The following TMEM217 variants were observed in gnomAD, a reference collection of about 807,000 sequenced individuals.
TMEM217 encodes the protein chromosome 6 open reading frame 128.
For synonymous variants in TMEM217, 76 were observed against 88.3 expected, an observed-to-expected ratio of 0.86 and a Z score of 0.78; for missense variants, 204 against 248.8, an observed-to-expected ratio of 0.82 and a Z score of 1.21.
At chr6:37,222,962 T>C (rs1254508149) in intron 1 of TMEM217, among the ~76,000 whole-genome samples, 1 of 152,090 alleles carries the variant, frequency 6.6e-6, no homozygotes. Flanking sequence ...TTTCTAGAGA[T>C]GAAAAACTCA....
intron 1 of TMEM217, among the ~76,000 whole-genome samples, chr6:37,252,609 ATGTG>A (rs375935772): frequency 0.038 from 1,366 of 36,072 alleles, 23 homozygotes; most frequent in African/African-American, 0.13. Context: ...GTGTGTGTGT[ATGTG>A]TGTGTATATA....
At chr6:37,243,931 G>A (rs1764929917) in intron 1 of TMEM217, among the ~76,000 whole-genome samples, 1 of 152,164 alleles carries the variant, frequency 6.6e-6, no homozygotes, top group Non-Finnish European at 1.5e-5. Context: ...CCCACATGGA[G>A]TCAGCCAGTC....
downstream of TMEM217, among the ~76,000 whole-genome samples, chr6:37,216,034 A>T (rs78359793): frequency 0.12 from 16,426 of 139,320 alleles, 1,048 homozygotes; most frequent in Non-Finnish European, 0.16. Context: ...TGTGTGTGTG[A>T]GAAACAGATA....
chr6:37,253,373 A>C (rs1361187145), intron 1 of TMEM217, among the ~76,000 whole-genome samples: 5 of 152,192 alleles, frequency 3.3e-5, no homozygotes, highest in Admixed American at 6.5e-5. Flanking sequence ...TCTTAGAATA[A>C]ATTCTTAGGA....
rs1387620367 is a variant in TMEM217, at chr6:37,257,802, A to T, written c.-246T>A. 3.5e-6 allele frequency: 4 copies of T among 1,141,484 alleles called. No individual in the cohort carries two copies. The African/African-American group carries it at 6.2e-5, about 18-fold the overall frequency. 70.7% of individuals were successfully genotyped at this position (1,141,484 alleles called of 1,614,324 possible). On this transcript the variant is annotated 5_prime_UTR_variant, in exon 1 of 2. Coordinates refer to ENST00000357219, the Ensembl canonical transcript of TMEM217. ...CAAGATGGCGTCCCCAGGAGCTGGG[A>T]GCGGGTGACCGGCGGCGGGGAAGCG... is the stretch of plus-strand genomic sequence containing the variant.
intron 1 of TMEM217, among the ~76,000 whole-genome samples, chr6:37,223,920 C>CAG (rs1763670736): frequency 6.6e-6 from 1 of 150,450 alleles, no homozygotes; most frequent in Non-Finnish European, 1.5e-5. Context: ...CTGAGCTCAA[C>CAG]AGAGCCTCCT....
downstream of TMEM217, among the ~76,000 whole-genome samples, chr6:37,216,222 G>A (rs1763197558): frequency 6.6e-6 from 1 of 151,988 alleles, no homozygotes; most frequent in South Asian, 2.1e-4. Flanking sequence ...GGGATTACAG[G>A]TGCCTGCCAC....
chr6:37,249,103 T>C (rs1435550855), intron 1 of TMEM217, among the ~76,000 whole-genome samples: 1 of 152,188 alleles, frequency 6.6e-6, no homozygotes, highest in East Asian at 1.9e-4. Context: ...CAGTCCAAGA[T>C]GATCTCATCT....
At chr6:37,257,824 A>G (rs1032282745) in exon 1 of TMEM217, 2 of 1,410,168 alleles carry the variant, frequency 1.4e-6, no homozygotes, top group Non-Finnish European at 9.7e-7. Context: ...GCGGCGGGGA[A>G]GCGGCCTGGG....
At chr6:37,216,404 C>T (rs775958045), downstream of TMEM217, among the ~76,000 whole-genome samples, 5 of 152,108 alleles carry the variant, frequency 3.3e-5, no homozygotes, top group Non-Finnish European at 7.4e-5. Context: ...AAAAATCTTT[C>T]TTGCTGCTGT....
intron 1 of TMEM217, among the ~76,000 whole-genome samples, chr6:37,245,842 C>T (rs1275785040): frequency 6.6e-6 from 1 of 151,062 alleles, no homozygotes; most frequent in African/African-American, 2.4e-5. Flanking sequence ...TCTTGTTGCC[C>T]AGGCTGGAGT....
At chr6:37,215,204 G>T (rs769176223), downstream of TMEM217, 19 of 1,613,532 alleles carry the variant, frequency 1.2e-5, no homozygotes, top group African/African-American at 2.5e-4. Context: ...TCACTCAGCA[G>T]ACATCTATTG....
chr6:37,221,392 G>A (rs1010699343), intron 1 of TMEM217, among the ~76,000 whole-genome samples: 1 of 152,120 alleles, frequency 6.6e-6, no homozygotes, highest in African/African-American at 2.4e-5. Flanking sequence ...TCGCCATGTT[G>A]GTCAGGCTGG....
chr6:37,256,162 T>C (rs529888354), intron 1 of TMEM217, among the ~76,000 whole-genome samples: 1 of 152,354 alleles, frequency 6.6e-6, no homozygotes, highest in African/African-American at 2.4e-5. Context: ...AGGTATCTTG[T>C]CACATGGATG....
chr6:37,252,097 T>G (rs924784297), intron 1 of TMEM217, among the ~76,000 whole-genome samples: 2 of 152,246 alleles, frequency 1.3e-5, no homozygotes, highest in Non-Finnish European at 2.9e-5. Flanking sequence ...TTCTCCATGT[T>G]GGTCAGGCCG....
intron 1 of TMEM217, among the ~76,000 whole-genome samples, chr6:37,222,211 G>A (rs1250670244): frequency 6.6e-6 from 1 of 152,232 alleles, no homozygotes; most frequent in Non-Finnish European, 1.5e-5. Context: ...CTGCAGGACT[G>A]GCGGCCTGGC....
intron 1 of TMEM217, among the ~76,000 whole-genome samples, chr6:37,234,153 G>A (rs1260868593): frequency 6.7e-6 from 1 of 149,590 alleles, no homozygotes; most frequent in African/African-American, 2.5e-5. Flanking sequence ...AGGATGGAGT[G>A]CAGTGGTGTG....
intron 1 of TMEM217, among the ~76,000 whole-genome samples, chr6:37,231,026 G>A (rs1475437504): frequency 3.3e-5 from 5 of 151,938 alleles, no homozygotes; most frequent in African/African-American, 1.2e-4. Flanking sequence ...TTAAACCACT[G>A]TCACTAAATT....
At chr6:37,224,790 TATG>T (rs1013453555) in intron 1 of TMEM217, among the ~76,000 whole-genome samples, 2 of 152,050 alleles carry the variant, frequency 1.3e-5, no homozygotes, top group African/African-American at 4.8e-5. Context: ...GAGCACACAG[TATG>T]ATGATAACCT....
Sources: allele counts gnomAD v4.1 joint callset (sites outside exome capture counted in the v4.1 genomes callset), GRCh38; gene constraint gnomAD v4.1.1; transcripts MANE v1.5; gene names NCBI Gene and HGNC (gene_info 2026-07-23, HGNC 2026-07-21).